The following ALS2 variants were observed in gnomAD, a reference collection of about 807,000 sequenced individuals.
ALS2 encodes alsin Rho guanine nucleotide exchange factor ALS2, also known as alsin.
ALS2 carries 117 observed loss-of-function variants against 203.4 expected under a neutral mutation model. The ratio of observed to expected loss-of-function variants is 0.58; its 90% confidence interval spans 0.50 to 0.67. ALS2 has a LOEUF of 0.67. Among genes scored for constraint, ALS2 ranks in the 30% least tolerant of loss-of-function variants. The pLI is 0.00. For missense variants in ALS2, 1,715 were observed against 1,989.4 expected, an observed-to-expected ratio of 0.86 and a Z score of 2.62; for synonymous variants, 718 against 725.9, an observed-to-expected ratio of 0.99 and a Z score of 0.17.
At chr2:201,767,737 G>A (rs191713288) in intron 2 of ALS2, among the ~76,000 whole-genome samples, 53 of 151,758 alleles carry the variant, frequency 3.5e-4, no homozygotes, top group African/African-American at 1.1e-3. Flanking sequence ...GCATGGTGGC[G>A]TGAACCTGTA....
chr2:201,715,644 G>A (rs1449816027), intron 25 of ALS2, 28 bp downstream of exon 25: 1 of 1,613,462 alleles, frequency 6.2e-7, no homozygotes, highest in Non-Finnish European at 8.5e-7. Context: ...AACATGCTCT[G>A]CTGTATGTTG....
intron 7 of ALS2, among the ~76,000 whole-genome samples, chr2:201,752,431 C>A (rs1385908047): frequency 6.6e-6 from 1 of 151,912 alleles, no homozygotes; most frequent in African/African-American, 2.4e-5. Flanking sequence ...ATTTTTAAGT[C>A]TTTTGAATGA....
At position 201,761,229 on chromosome 2, in the gene ALS2, A is replaced by G. The variant is rs755857700; in HGVS notation, c.765T>C (p.His255=). ...TCAGTGTCACACCTAATGGGCAACA[A>G]TGACTGTCTGATATAATCACATGGT... ...KEDHVIISDS[H]CCPLGVTLTE... is the part of the protein sequence containing the mutation. The change falls in exon 4 of 34, where the codon CAT becomes CAC. Residue 255 remains histidine (H), a synonymous_variant. Transcript: ENST00000264276. The G allele has an allele frequency of 2.5e-6, 4 of 1,614,200 alleles. No homozygotes were observed. The highest frequency in any genetic ancestry group is 3.4e-6 in the Non-Finnish European group (4 of 1,180,048).
rs1449622967 is a variant in ALS2 at position 201,746,728 on chromosome 2, G to T, written c.1836C>A (p.Val612=). The T allele has an allele frequency of 6.2e-7, 1 of 1,614,154 alleles. No homozygotes were observed. The highest frequency in any genetic ancestry group is 8.5e-7 in the Non-Finnish European group (1 of 1,180,040). The change falls in exon 9 of 34, where the codon GTC becomes GTA. Residue 612 remains valine, a synonymous_variant. Transcript: ENST00000264276. ...RLAKISSENG[V]WSIAAGRDYS... ...AATCCCTGCCTGCAGCTATGCTCCA[G>T]ACTCCATTTTCACTGCTTATCTGCA...
chr2:201,732,558 ACTCTGTC>A (rs2106022027), intron 13 of ALS2, among the ~76,000 whole-genome samples: 1 of 152,238 alleles, frequency 6.6e-6, no homozygotes, highest in African/African-American at 2.4e-5. Flanking sequence ...ACAGAACGAG[ACTCTGTC>A]TCAAAAACAA....
At chr2:201,705,339 A>G in intron 30 of ALS2, 77 bp downstream of exon 30, 1 of 1,536,258 alleles carries the variant, frequency 6.5e-7, no homozygotes, top group Non-Finnish European at 9.0e-7. Context: ...TCAAAGTAAA[A>G]TGAAAAAGTT....
chr2:201,726,293 T>A (rs1240960400), intron 19 of ALS2, among the ~76,000 whole-genome samples, 191 bp downstream of exon 19: 1 of 152,168 alleles, frequency 6.6e-6, no homozygotes, highest in African/African-American at 2.4e-5. Flanking sequence ...TCAGGGAAAA[T>A]GACCCAGTCT....
At chr2:201,738,884 T>A in intron 11 of ALS2, 149 bp from the exon 12 acceptor site, 1 of 715,296 alleles carries the variant, frequency 1.4e-6, no homozygotes, top group South Asian at 1.6e-5. Flanking sequence ...AAGGGCAGGT[T>A]GTGTAATAAT....
chr2:201,704,590 G>A lies in ALS2; in HGVS notation c.4702C>T (p.Pro1568Ser). Residue 1568 changes from proline (P) to serine (S), a missense_variant, in exon 32 of 34, where the codon CCA becomes TCA. Physicochemically the swap from Pro to Ser is moderately conservative, Grantham distance 74 (BLOSUM62 -1). Around this residue, in one of 3 missense-constraint regions of ALS2, gnomAD observed 1,227 missense variants for 1,413.5 expected, o/e 0.87. Coordinates refer to ENST00000264276, the MANE Select transcript of ALS2 (RefSeq NM_020919.4). ...TGGATGACCTTAAGTTTGTCTGATG[G>A]GGTAAATGTTGTGCTGTTACAGAAA... Reference protein sequence around the residue: ...CLQQISTTFTPSDKLKVIQQT... With the variant: ...CLQQISTTFTSSDKLKVIQQT... 6.2e-7 allele frequency: 1 copy of A among 1,614,076 alleles called. No individual in the cohort carries two copies. The highest frequency in any genetic ancestry group is 8.5e-7 in the Non-Finnish European group (1 of 1,179,996).
At chr2:201,749,835 T>C (rs1324037717) in intron 7 of ALS2, 46 bp from the exon 8 acceptor site, 2 of 1,461,848 alleles carry the variant, frequency 1.4e-6, no homozygotes, top group Non-Finnish European at 1.9e-6. Flanking sequence ...TGAATCTGAT[T>C]TTGCACATCA....
chr2:201,726,989 G>C, intron 17 of ALS2, 123 bp from the exon 18 acceptor site: 1 of 932,594 alleles, frequency 1.1e-6, no homozygotes, highest in Non-Finnish European at 1.7e-6. Flanking sequence ...CTTATTAATA[G>C]AGTAATATTG....
chr2:201,774,225 T>C (rs1039432359), intron 1 of ALS2, among the ~76,000 whole-genome samples: 1 of 152,130 alleles, frequency 6.6e-6, no homozygotes, highest in Admixed American at 6.6e-5. Flanking sequence ...ACAAGGATGA[T>C]GAGGACAGTG....
intron 19 of ALS2, 98 bp downstream of exon 19, chr2:201,726,386 C>A (rs1436054384): frequency 2.7e-6 from 3 of 1,105,408 alleles, no homozygotes; most frequent in Non-Finnish European, 2.8e-6. Flanking sequence ...CAACAAAAAT[C>A]TACTACTTGT....
Position 201,726,693 on chromosome 2 carries a change from T to A in ALS2, c.3153A>T (p.Gly1051=). ...CATGAGGCTTCCCTGAAAGCCAGCG[T>A]CCATCATAGGTGGCATCCTTTAGGC... ...DPRLKDATYD[G]RWLSGKPHGR... is the part of the protein sequence containing the mutation. Residue 1051 remains glycine (G), a synonymous_variant, in exon 18 of 34, where the codon GGA becomes GGT. Coordinates refer to ENST00000264276, the MANE Select transcript of ALS2 (RefSeq NM_020919.4). 6.2e-7 allele frequency: 1 copy of A among 1,614,216 alleles called. No homozygotes were observed. Among genetic ancestry groups the A allele is most frequent in the Middle Eastern group, 1.6e-4 (1 of 6,062 alleles).
rs537187775 is a variant in ALS2 at position 201,761,116 on chromosome 2, G to A, written c.878C>T (p.Thr293Ile). ...AACAGACTGATCATTTGCTACAAGAGTGTTCTCAAATACTTCTTCCTGCCT... is the reference window on the plus strand; with the variant it reads ...AACAGACTGATCATTTGCTACAAGAATGTTCTCAAATACTTCTTCCTGCCT... ...LDRQEEVFEN[T>I]LVANDQSVAT... Residue 293 changes from threonine to isoleucine, a missense_variant, in exon 4 of 34, where the codon ACT becomes ATT. Transcript: ENST00000264276. The A allele has an allele frequency of 1.8e-5, 29 of 1,614,092 alleles. No individual in the cohort carries two copies. Among genetic ancestry groups the A allele is most frequent in the Non-Finnish European group, 2.2e-5 (26 of 1,180,050 alleles).
Position 201,707,964 on chromosome 2 carries a change from T to G in ALS2, c.4308A>C (p.Glu1436Asp). Residue 1436 changes from glutamate to aspartate, a missense_variant, in exon 28 of 34, where the codon GAA (glutamate) becomes GAC (aspartate). Physicochemically the swap from Glu to Asp is conservative, Grantham distance 45 (BLOSUM62 2). Transcript: ENST00000264276. ...GAGCAGAGAGAGGAATTGTGCTGCC[T>G]TCTTCAGGCAGCTCAGGAAATAAGA... ...VRFLFPELPEEGSTIPLSAPL... is the reference protein window; with the variant it reads ...VRFLFPELPEDGSTIPLSAPL... The G allele has an allele frequency of 6.2e-7, 1 of 1,613,162 alleles. No individual in the cohort carries two copies. Among genetic ancestry groups the G allele is most frequent in the Admixed American group, 1.7e-5 (1 of 59,986 alleles).
chr2:201,776,512 T>C (rs921239407), intron 1 of ALS2, among the ~76,000 whole-genome samples: 3 of 152,202 alleles, frequency 2.0e-5, no homozygotes, highest in Admixed American at 6.5e-5. Context: ...TGATGAATAT[T>C]ATAATACTAA....
chr2:201,764,643 AAATAAAT>A (rs1693978443), intron 3 of ALS2, among the ~76,000 whole-genome samples: 1 of 106,100 alleles, frequency 9.4e-6, no homozygotes. Flanking sequence ...CAAAATAAAT[AAATAAAT>A]AAATAAATAA....
At position 201,761,049 on chromosome 2, in the gene ALS2, G is replaced by A. The variant is rs770056959; in HGVS notation, c.945C>T (p.Ser315=). ...CATTTTGTTGAGAGGACATGGCATC[G>A]CTGCTTGTGATCTGAGCACTTACTG... ...LNAVSAQITS[S]DAMSSQQNVM... Residue 315 remains serine, a synonymous_variant, in exon 4 of 34, where the codon AGC becomes AGT. Transcript: ENST00000264276. 12 of 1,614,142 alleles carry A rather than the reference G, an allele frequency of 7.4e-6. No individual in the cohort carries two copies. The highest frequency in any genetic ancestry group is 5.0e-5 in the Admixed American group (3 of 60,024).
Sources: gnomAD v4.1 joint callset for allele counts (sites outside exome capture counted in the v4.1 genomes callset) on GRCh38, gnomAD v4.1.1 for gene constraint, gnomAD v4.1.1 regional missense constraint, MANE v1.5 for transcripts, NCBI Gene and HGNC (gene_info 2026-07-23, HGNC 2026-07-21) for gene names.